PAXIP1: variants seen among roughly 807,000 people sequenced by gnomAD.
PAXIP1 encodes the protein PAX-interacting protein 1.
PAXIP1 carries 19 observed loss-of-function variants against 140.6 expected under a neutral mutation model. The ratio of observed to expected loss-of-function variants is 0.14; its 90% CI spans 0.09 to 0.20. PAXIP1 has a LOEUF of 0.20. Among genes scored for constraint, PAXIP1 ranks in the 10% least tolerant of loss-of-function variants. The pLI is 1.00. For missense variants in PAXIP1, 920 were observed against 1,208.6 expected, an observed-to-expected ratio of 0.76 and a Z score of 3.54; for synonymous variants, 442 against 444.6, an observed-to-expected ratio of 0.99 and a Z score of 0.07.
At chr7:154,982,263 A>G (rs1185894519) in intron 5 of PAXIP1, among the ~76,000 whole-genome samples, 1 of 152,240 alleles carries the variant, frequency 6.6e-6, no homozygotes, top group Non-Finnish European at 1.5e-5. Flanking sequence ...AAACTTTAGT[A>G]TGCATCAGAA....
intron 11 of PAXIP1, 48 bp from the exon 12 acceptor site, chr7:154,961,125 T>C (rs747794064): frequency 1.7e-5 from 23 of 1,319,418 alleles, no homozygotes; most frequent in Non-Finnish European, 2.4e-5. Context: ...GTTAGAGATG[T>C]CAACTGTCCA....
chr7:154,946,518 C>T lies in PAXIP1; in HGVS notation c.3127G>A (p.Gly1043Ser), dbSNP rs1382410799. The T allele has an allele frequency of 3.7e-6, 6 of 1,613,942 alleles. No individual in the cohort carries two copies. In the East Asian group the frequency reaches 1.1e-4, roughly 30 times the overall value. ...LHLCREYFARGIDVHNAEFVL... is the reference protein window; with the variant it reads ...LHLCREYFARSIDVHNAEFVL... ...GGTAAGCGGGGAAACGTACCTATGC[C>T]TCTGGCAAAATATTCTCGGCATAAA... The change falls in exon 19 of 21, where the codon GGC becomes AGC. Residue 1043 changes from glycine to serine, a missense_variant. By Grantham distance (56) the Gly-to-Ser change is moderately conservative. Around this residue, in one of 5 missense-constraint regions of PAXIP1, gnomAD observed 303 missense variants for 517.9 expected, o/e 0.59. Coordinates refer to ENST00000404141, the MANE Select transcript of PAXIP1 (RefSeq NM_007349.4). The surrounding 1 kb of genome is among the most constrained non-coding windows in gnomAD (Gnocchi z 4.9).
At position 154,957,314 on chromosome 7, in the gene PAXIP1, G is replaced by A. The variant is rs1014879423; in HGVS notation, c.2479-20C>T. On this transcript the variant is annotated intron_variant, in intron 13 of 20. Transcript: ENST00000404141. ...TATACTCTGCAATTAAAATATTGTC[G>A]ACTTTAATTCAATCAATCTACTAAG... 17 of 1,434,684 alleles carry A rather than the reference G, an allele frequency of 1.2e-5. No individual in the cohort carries two copies. The highest frequency in any genetic ancestry group is 1.8e-4 in the Middle Eastern group (1 of 5,558). 88.9% of individuals were successfully genotyped at this position (1,434,684 alleles called of 1,614,324 possible). A position where few individuals can be genotyped will look rare whatever the true frequency, so the allele number is the denominator to read the frequency against.
rs1380746813 is a variant in PAXIP1 at position 155,003,022 on chromosome 7, C to A, written c.-93G>T. 5.1e-6 allele frequency: 2 copies of A among 392,270 alleles called. No individual in the cohort carries two copies. Among genetic ancestry groups the A allele is most frequent in the South Asian group, 1.9e-4 (2 of 10,366 alleles). The allele number at this position is 392,270 out of a possible 1,614,324, so 24.3% of individuals were successfully genotyped here. A position where few individuals can be genotyped will look rare whatever the true frequency, so the allele number is the denominator to read the frequency against. On this transcript the variant is annotated 5_prime_UTR_variant, in exon 1 of 21. Transcript: ENST00000404141. ...CGGCGCCCGGCGCCCCCACTCGCCC[C>A]GCCAACGGCCCTGCCCGCGCAGCCC...
intron 6 of PAXIP1, among the ~76,000 whole-genome samples, chr7:154,975,113 T>C (rs55802307): frequency 0.64 from 93,661 of 146,594 alleles, 30,025 homozygotes; most frequent in Admixed American, 0.72. Flanking sequence ...GCAGAGATCA[T>C]GCAACTGCAC....
At chr7:154,970,470 T>C (rs1809248681) in intron 6 of PAXIP1, among the ~76,000 whole-genome samples, 1 of 152,266 alleles carries the variant, frequency 6.6e-6, no homozygotes, top group Non-Finnish European at 1.5e-5. Context: ...ACCTTATGTA[T>C]GAGACATCTC....
rs1327967004 is a variant in PAXIP1 at position 154,968,632 on chromosome 7, C to G, written c.1569G>C (p.Leu523=). The change falls in exon 7 of 21, where the codon CTG becomes CTC. Residue 523 remains leucine (L), a synonymous_variant. Coordinates refer to ENST00000404141, the MANE Select transcript of PAXIP1 (RefSeq NM_007349.4). ...QLAQLQQQHS[L]LQQQQQQQIQ... ...TCTGCTGTTGCTGCTGCTGCTGGAG[C>G]AGGCTGTGCTGCTGCTGGAGCTGGG... 1 of 714,206 alleles carries G rather than the reference C, an allele frequency of 1.4e-6. No homozygotes were observed. Among genetic ancestry groups the G allele is most frequent in the African/African-American group, 1.8e-5 (1 of 57,024 alleles). 44.2% of individuals were successfully genotyped at this position (714,206 alleles called of 1,614,324 possible). A position where few individuals can be genotyped will look rare whatever the true frequency, so the allele number is the denominator to read the frequency against.
chr7:155,002,103 A>G (rs1277933389), intron 1 of PAXIP1: 9 of 152,262 alleles, frequency 5.9e-5, no homozygotes, highest in Admixed American at 4.6e-4. Context: ...CCACGGACTG[A>G]TAACTGTGTG....
intron 4 of PAXIP1, 103 bp from the exon 5 acceptor site, chr7:154,983,435 A>C (rs1809932741): frequency 3.1e-6 from 2 of 639,474 alleles, no homozygotes; most frequent in East Asian, 6.2e-5. Flanking sequence ...TTCTCCCTTA[A>C]TAAAATTAAC....
chr7:154,986,478 A>G lies in PAXIP1; in HGVS notation c.325-3146T>C, dbSNP rs1163153242. On this transcript the variant is annotated intron_variant, in intron 4 of 20. Transcript: ENST00000404141. The surrounding 1 kb of genome is among the most constrained non-coding windows in gnomAD (Gnocchi z 4.8). Reference sequence around the variant, plus strand: ...TTTACTGAGAGAGAAATCGCATCTTAATTAATTTGTACCCCTCTGCATTGC... The same window carrying G: ...TTTACTGAGAGAGAAATCGCATCTTGATTAATTTGTACCCCTCTGCATTGC... 6.6e-6 allele frequency among the ~76,000 whole-genome samples: 1 copy of G among 152,140 alleles called. No homozygotes were observed. The highest frequency in any genetic ancestry group is 1.5e-5 in the Non-Finnish European group (1 of 68,018).
chr7:154,953,248 AAGGG>A (rs1183325177), intron 16 of PAXIP1, among the ~76,000 whole-genome samples: 1 of 152,158 alleles, frequency 6.6e-6, no homozygotes, highest in African/African-American at 2.4e-5. Flanking sequence ...CTTTCTGCTT[AAGGG>A]GTCGGGGGCG....
At chr7:154,993,638 C>T (rs1810447758) in intron 3 of PAXIP1, 88 bp downstream of exon 3, 1 of 966,788 alleles carries the variant, frequency 1.0e-6, no homozygotes, top group Non-Finnish European at 1.6e-6. Context: ...ACGAATGAAT[C>T]CACTTTTCAC....
rs1809151387 is a variant in PAXIP1 at position 154,968,747 on chromosome 7, T to C, written c.1454A>G (p.Gln485Arg). ...LHPPQQLHRP[Q>R]QQLQPFQQQH... ...CTGCTGAAAGGGCTGGAGCTGCTGCTGAGGGCGATGCAGCTGCTGTGGAGG... is the reference window on the plus strand; with the variant it reads ...CTGCTGAAAGGGCTGGAGCTGCTGCCGAGGGCGATGCAGCTGCTGTGGAGG... Residue 485 changes from glutamine to arginine, a missense_variant, in exon 7 of 21, where the codon CAG becomes CGG. By Grantham distance (43) the Gln-to-Arg change is conservative. This residue lies in a region of PAXIP1 where 133 missense variants were observed against 88.4 expected (regional missense o/e 1.50). Coordinates refer to ENST00000404141, the MANE Select transcript of PAXIP1 (RefSeq NM_007349.4). 1 of 718,980 alleles carries C rather than the reference T, an allele frequency of 1.4e-6. No individual in the cohort carries two copies. The highest frequency in any genetic ancestry group is 2.7e-5 in the East Asian group (1 of 37,272). The allele number at this position is 718,980 out of a possible 1,614,324, so 44.5% of individuals were successfully genotyped here.
At chr7:154,948,848 G>A (rs1563359694) in intron 16 of PAXIP1, 1 of 151,826 alleles carries the variant, frequency 6.6e-6, no homozygotes, top group Non-Finnish European at 1.5e-5. Flanking sequence ...TCAATTATGT[G>A]AATTACCAAA....
At chr7:154,994,985 C>T (rs998261647) in intron 2 of PAXIP1, among the ~76,000 whole-genome samples, 4 of 152,150 alleles carry the variant, frequency 2.6e-5, no homozygotes, top group Non-Finnish European at 5.9e-5. Flanking sequence ...CATCAGGAAT[C>T]GGTATTGGCC....
At chr7:154,958,141 C>T (rs1286889325) in intron 13 of PAXIP1, among the ~76,000 whole-genome samples, 1 of 152,136 alleles carries the variant, frequency 6.6e-6, no homozygotes, top group Non-Finnish European at 1.5e-5. Flanking sequence ...CCAAAACCTA[C>T]ACTCTGCCTC....
intron 6 of PAXIP1, among the ~76,000 whole-genome samples, chr7:154,970,369 G>T (rs532486316): frequency 6.6e-6 from 1 of 152,154 alleles, no homozygotes; most frequent in South Asian, 2.1e-4. Flanking sequence ...GACCTGCAAG[G>T]GTAACAGATT....
intron 1 of PAXIP1, chr7:155,002,097 G>A (rs1047595386): frequency 1.3e-5 from 2 of 152,210 alleles, no homozygotes; most frequent in African/African-American, 2.4e-5. Context: ...TTCCTACCAC[G>A]GACTGATAAC....
In PAXIP1 at chr7:154,946,331, C is replaced by A; in HGVS notation, c.3194+34G>T. ...TGGGAAATCCATTTCATATCTAACC[C>A]GTCTACTTTTTAATTCTCTTTTGGA... On this transcript the variant is annotated intron_variant, in intron 20 of 20. Transcript: ENST00000404141. This position sits in a 1 kb window ranked among gnomAD's most constrained non-coding sequence, Gnocchi z 4.9. 6.2e-7 allele frequency: 1 copy of A among 1,613,426 alleles called. No homozygotes were observed. The highest frequency in any genetic ancestry group is 8.5e-7 in the Non-Finnish European group (1 of 1,179,528).
Sources: gnomAD v4.1 joint callset for allele counts (sites outside exome capture counted in the v4.1 genomes callset) on GRCh38, gnomAD v4.1.1 for gene constraint, gnomAD v4.1.1 regional missense constraint, Gnocchi (gnomAD v3.1) non-coding constraint, MANE v1.5 for transcripts, NCBI Gene and HGNC (gene_info 2026-07-23, HGNC 2026-07-21) for gene names.